IL1RAPL1: variants seen among roughly 807,000 people sequenced by gnomAD.
The protein encoded by IL1RAPL1 is interleukin 1 receptor accessory protein like 1.
IL1RAPL1 carries 3 observed loss-of-function variants against 48.4 expected under a neutral mutation model. That is an observed-to-expected ratio of 0.06 (90% CI 0.03 to 0.16). The LOEUF (loss-of-function observed/expected upper bound fraction) is 0.16. Among genes scored for constraint, IL1RAPL1 ranks in the 10% least tolerant of loss-of-function variants. The pLI is 1.00. For missense variants in IL1RAPL1, 349 were observed against 530.6 expected, an observed-to-expected ratio of 0.66 and a Z score of 3.36; for synonymous variants, 185 against 187.7, an observed-to-expected ratio of 0.99 and a Z score of 0.12.
At chrX:29,845,652 G>A (rs761133310) in intron 6 of IL1RAPL1, among the ~76,000 whole-genome samples, 1 of 110,507 alleles carries the variant, frequency 9.0e-6, no homozygotes, top group South Asian at 3.9e-4. Flanking sequence ...AAATATATTG[G>A]TTCCTCCACC....
intron 3 of IL1RAPL1, among the ~76,000 whole-genome samples, chrX:29,379,589 G>A (rs1435115110): frequency 9.0e-6 from 1 of 111,561 alleles, no homozygotes; most frequent in Non-Finnish European, 1.9e-5. Flanking sequence ...GATCCCAGAG[G>A]TTCACAGTGA....
rs762481511 is a variant in IL1RAPL1 at position 29,171,869 on chromosome X, A to G, written c.83-111069A>G. Among the ~76,000 whole-genome samples, 7 of 112,565 alleles carry G rather than the reference A, an allele frequency of 6.2e-5. No homozygotes were observed. In the South Asian group the frequency reaches 2.6e-3, roughly 41 times the overall value. ...TTGCTTTCAGCATAACACTCCATGC[A>G]TTTGAATGTTTATTGTGGTTTTTTA... On this transcript the variant is annotated intron_variant, in intron 2 of 10. Coordinates refer to ENST00000378993, the MANE Select transcript of IL1RAPL1 (RefSeq NM_014271.4).
intron 1 of IL1RAPL1, among the ~76,000 whole-genome samples, chrX:28,724,202 TCACCC>T (rs2146942078): frequency 9.0e-6 from 1 of 111,548 alleles, no homozygotes; most frequent in East Asian, 2.8e-4. Context: ...AGCGTTAAAG[TCACCC>T]ATTATTATTG....
intron 2 of IL1RAPL1, among the ~76,000 whole-genome samples, chrX:28,911,696 C>T (rs1419716660): frequency 1.8e-5 from 2 of 110,946 alleles, no homozygotes; most frequent in Admixed American, 1.9e-4. Flanking sequence ...ACATTGTTCA[C>T]AGTTGTATTC....
At chrX:29,566,507 A>ATT (rs1922411993) in intron 5 of IL1RAPL1, among the ~76,000 whole-genome samples, 1 of 112,198 alleles carries the variant, frequency 8.9e-6, no homozygotes, top group Non-Finnish European at 1.9e-5. Context: ...AAGTTTGAAA[A>ATT]CTAATTGAGG....
At chrX:29,716,978 A>G (rs909598535) in intron 6 of IL1RAPL1, among the ~76,000 whole-genome samples, 1 of 111,037 alleles carries the variant, frequency 9.0e-6, no homozygotes, top group African/African-American at 3.3e-5. Context: ...ATTTTCCATT[A>G]ATTCTGTTGA....
chrX:29,527,363 G>T (rs1166238763), intron 5 of IL1RAPL1, among the ~76,000 whole-genome samples: 2 of 31,763 alleles, frequency 6.3e-5, no homozygotes, highest in Non-Finnish European at 1.2e-4. Context: ...TTTTGAGACG[G>T]AGTCTTGCTT....
At chrX:29,094,129 C>T (rs1398732440) in intron 2 of IL1RAPL1, among the ~76,000 whole-genome samples, 2 of 112,003 alleles carry the variant, frequency 1.8e-5, no homozygotes, top group Admixed American at 1.9e-4. Context: ...AGTCTGGGTA[C>T]CCCTAAAAAA....
At chrX:28,764,869 C>T (rs1417360175) in intron 1 of IL1RAPL1, among the ~76,000 whole-genome samples, 1 of 110,436 alleles carries the variant, frequency 9.1e-6, no homozygotes, top group East Asian at 2.8e-4. Flanking sequence ...TTTATTGAGA[C>T]ACTTTTCACA....
chrX:29,821,381 T>C (rs1273597151), intron 6 of IL1RAPL1, among the ~76,000 whole-genome samples: 2 of 109,863 alleles, frequency 1.8e-5, no homozygotes, highest in Non-Finnish European at 3.8e-5. Context: ...CCCCAGGAGG[T>C]GGAGCTTGCA....
At chrX:28,889,514 G>A in intron 2 of IL1RAPL1, among the ~76,000 whole-genome samples, 1 of 111,588 alleles carries the variant, frequency 9.0e-6, no homozygotes, top group Admixed American at 9.6e-5. Context: ...TCGAATGGCT[G>A]GGCTAGAAAT....
intron 6 of IL1RAPL1, among the ~76,000 whole-genome samples, chrX:29,747,795 G>A (rs186040598): frequency 0.012 from 1,321 of 112,398 alleles, 10 homozygotes; most frequent in Middle Eastern, 0.05. Flanking sequence ...ACAGGAGACA[G>A]ACATTTATAA....
intron 2 of IL1RAPL1, among the ~76,000 whole-genome samples, chrX:29,064,958 C>T (rs1189331851): frequency 9.0e-6 from 1 of 111,266 alleles, no homozygotes; most frequent in African/African-American, 3.3e-5. Flanking sequence ...ATTATTTGCT[C>T]CTGAGGATAT....
chrX:28,765,150 T>C (rs1473336516), intron 1 of IL1RAPL1, among the ~76,000 whole-genome samples: 2 of 90,911 alleles, frequency 2.2e-5, no homozygotes, highest in Non-Finnish European at 2.2e-5. Context: ...CTGGGGCCTG[T>C]TGTGGGGTGG....
intron 2 of IL1RAPL1, among the ~76,000 whole-genome samples, chrX:28,815,871 ATATATATATAT>A (rs1936861869): frequency 1.3e-5 from 1 of 75,567 alleles, no homozygotes; most frequent in South Asian, 7.6e-4. Context: ...ATATATATAT[ATATATATATAT>A]ATAATTTTTT....
At chrX:29,697,936 A>G (rs757984112) in intron 6 of IL1RAPL1, among the ~76,000 whole-genome samples, 57 of 111,494 alleles carry the variant, frequency 5.1e-4, no homozygotes, top group African/African-American at 1.8e-3. Flanking sequence ...AATATGGACC[A>G]TGGCACCATG....
intron 2 of IL1RAPL1, among the ~76,000 whole-genome samples, chrX:28,930,259 T>A (rs1167371775): frequency 8.9e-6 from 1 of 112,280 alleles, no homozygotes; most frequent in East Asian, 2.8e-4. Context: ...AGCTATTTTT[T>A]AAAAAAAATT....
intron 5 of IL1RAPL1, among the ~76,000 whole-genome samples, chrX:29,509,990 GAA>G (rs1252460943): frequency 6.3e-5 from 7 of 111,989 alleles, no homozygotes; most frequent in Non-Finnish European, 1.1e-4. Context: ...TTAAACTGAG[GAA>G]AACAGAATCT....
intron 2 of IL1RAPL1, among the ~76,000 whole-genome samples, chrX:29,123,003 C>A: frequency 1.2e-5 from 1 of 86,242 alleles, no homozygotes; most frequent in African/African-American, 5.1e-5. Flanking sequence ...TAGAATAGCA[C>A]GTTTTATTTA....
Sources: allele counts gnomAD v4.1 joint callset (sites outside exome capture counted in the v4.1 genomes callset), GRCh38; gene constraint gnomAD v4.1.1; transcripts MANE v1.5; gene names NCBI Gene and HGNC (gene_info 2026-07-23, HGNC 2026-07-21).